The following TACR3 variants were observed in gnomAD, a reference collection of about 807,000 sequenced individuals.
TACR3 encodes the protein neuromedin-K receptor.
Under a neutral mutation model 35.0 loss-of-function variants are expected in TACR3, and 34 were observed. The observed-to-expected ratio is 0.97, with a 90% CI of 0.74 to 1.30. The LOEUF (loss-of-function observed/expected upper bound fraction) is 1.30. Ranked by LOEUF, TACR3 falls within the 50% of genes most tolerant of loss-of-function variation. The pLI, the probability that TACR3 is intolerant of heterozygous loss-of-function variation, is 0.00. For synonymous variants in TACR3, 233 were observed against 221.1 expected, an observed-to-expected ratio of 1.05 and a Z score of -0.48; for missense variants, 558 against 591.7, an observed-to-expected ratio of 0.94 and a Z score of 0.59.
At chr4:103,607,328 C>T (rs1351543593) in intron 3 of TACR3, among the ~76,000 whole-genome samples, 4 of 151,936 alleles carry the variant, frequency 2.6e-5, no homozygotes, top group African/African-American at 4.8e-5. Context: ...TATCTTTTGA[C>T]TTTTGAAGGT....
intron 1 of TACR3, among the ~76,000 whole-genome samples, chr4:103,718,360 A>C (rs987808239): frequency 1.3e-5 from 2 of 152,246 alleles, no homozygotes; most frequent in African/African-American, 4.8e-5. Context: ...CTTCAATAAC[A>C]GGTAGGGATT....
chr4:103,611,618 C>CAATT (rs1207824532), intron 3 of TACR3, among the ~76,000 whole-genome samples: 2 of 151,168 alleles, frequency 1.3e-5, no homozygotes, highest in Admixed American at 6.7e-5. Flanking sequence ...AATTATGTTT[C>CAATT]AATTATAGTT....
rs949178068 is a variant in TACR3, at chr4:103,633,499, C to A, written c.888+22695G>T. On this transcript the variant is annotated intron_variant, in intron 3 of 4. Transcript: ENST00000304883. Reference sequence around the variant, plus strand: ...TTCTTTAGTGGAGATTTGTGAGACCCTGGTGCACCCATCACCCAAGCAGTA... The same window carrying A: ...TTCTTTAGTGGAGATTTGTGAGACCATGGTGCACCCATCACCCAAGCAGTA... Among the ~76,000 whole-genome samples, 29 of 151,920 alleles carry A rather than the reference C, an allele frequency of 1.9e-4. 1 individual carries two copies. Among genetic ancestry groups the A allele is most frequent in the African/African-American group, 7.3e-5 (3 of 41,370 alleles).
chr4:103,689,240 G>T (rs1722340159), intron 1 of TACR3, among the ~76,000 whole-genome samples: 1 of 137,768 alleles, frequency 7.3e-6, no homozygotes, highest in Non-Finnish European at 1.5e-5. Context: ...TCACACTCTG[G>T]GGACTGTTGT....
intron 1 of TACR3, among the ~76,000 whole-genome samples, chr4:103,685,926 C>T (rs992779618): frequency 6.6e-6 from 1 of 152,090 alleles, no homozygotes; most frequent in African/African-American, 2.4e-5. Context: ...AGCTCTGCTG[C>T]CGTATTGGAG....
intron 3 of TACR3, among the ~76,000 whole-genome samples, chr4:103,628,933 T>A (rs1211236859): frequency 2.0e-5 from 3 of 152,274 alleles, no homozygotes; most frequent in Non-Finnish European, 2.9e-5. Context: ...TCAAAAAGCT[T>A]AACCACCACA....
intron 3 of TACR3, among the ~76,000 whole-genome samples, chr4:103,644,133 A>T (rs1020301848): frequency 6.6e-6 from 1 of 151,878 alleles, no homozygotes; most frequent in Non-Finnish European, 1.5e-5. Flanking sequence ...AGCAGGAGGA[A>T]TATTTAATCA....
At chr4:103,599,197 T>C (rs953855406) in intron 3 of TACR3, among the ~76,000 whole-genome samples, 2 of 152,188 alleles carry the variant, frequency 1.3e-5, no homozygotes, top group African/African-American at 4.8e-5. Flanking sequence ...TTCCTAGGTA[T>C]TTTATTTTCT....
chr4:103,619,731 A>C (rs78365558), intron 3 of TACR3, among the ~76,000 whole-genome samples: 1,998 of 152,224 alleles, frequency 0.013, 40 homozygotes, highest in African/African-American at 0.045. Context: ...ATCATGAAGA[A>C]ATTTTGGATT....
intron 1 of TACR3, among the ~76,000 whole-genome samples, chr4:103,694,781 A>G (rs1722486078): frequency 1.3e-5 from 2 of 152,206 alleles, no homozygotes; most frequent in Admixed American, 1.3e-4. Context: ...TATAAATATC[A>G]TAAAAATTAG....
rs137981640 is a variant in TACR3 at position 103,651,397 on chromosome 4, A to G, written c.888+4797T>C. ...CCACAGGCCTACAGGGAGTACTGCCAGACTACCACCTATGTTCACTTAAGG... is the reference window on the plus strand; with the variant it reads ...CCACAGGCCTACAGGGAGTACTGCCGGACTACCACCTATGTTCACTTAAGG... On this transcript the variant is annotated intron_variant, in intron 3 of 4. Transcript: ENST00000304883. Among the ~76,000 whole-genome samples, 143 of 151,950 alleles carry G rather than the reference A, an allele frequency of 9.4e-4. 1 individual carries two copies. Among genetic ancestry groups the G allele is most frequent in the Middle Eastern group, 3.4e-3 (1 of 292 alleles).
intron 3 of TACR3, among the ~76,000 whole-genome samples, chr4:103,594,556 T>C (rs1439761759): frequency 6.6e-6 from 1 of 152,198 alleles, no homozygotes; most frequent in Non-Finnish European, 1.5e-5. Context: ...AAAATATCTT[T>C]GAGAATGTTA....
chr4:103,688,979 G>A (rs1462913078), intron 1 of TACR3, among the ~76,000 whole-genome samples: 4 of 152,024 alleles, frequency 2.6e-5, no homozygotes, highest in Non-Finnish European at 4.4e-5. Flanking sequence ...ATTCACAATA[G>A]CAAAGACTTG....
chr4:103,670,863 G>C (rs914171573), intron 1 of TACR3, among the ~76,000 whole-genome samples: 1 of 151,982 alleles, frequency 6.6e-6, no homozygotes, highest in South Asian at 2.1e-4. Context: ...GAATAAAAAT[G>C]GTGAAAATGG....
At chr4:103,615,734 T>A (rs1724642300) in intron 3 of TACR3, among the ~76,000 whole-genome samples, 1 of 152,188 alleles carries the variant, frequency 6.6e-6, no homozygotes. Context: ...AGACAATATA[T>A]GTTCTTAAAC....
At chr4:103,681,144 T>C (rs1722077805) in intron 1 of TACR3, among the ~76,000 whole-genome samples, 1 of 152,014 alleles carries the variant, frequency 6.6e-6, no homozygotes, top group African/African-American at 2.4e-5. Context: ...TAAAAAAATA[T>C]TTACCAAATT....
chr4:103,688,028 C>T lies in TACR3; in HGVS notation c.549-29625G>A, dbSNP rs549800074. Among the ~76,000 whole-genome samples, 1,287 of 152,002 alleles carry T rather than the reference C, an allele frequency of 8.5e-3. 22 individuals are homozygous for T. The highest frequency in any genetic ancestry group is 0.028 in the African/African-American group (1,181 of 41,464). ...CAAGGCTACAGTAACCAAAACAGCA[C>T]GGTACTGGTACCAAAACAGAGATAT... On this transcript the variant is annotated intron_variant, in intron 1 of 4. Transcript: ENST00000304883.
chr4:103,636,685 C>T (rs185502348), intron 3 of TACR3, among the ~76,000 whole-genome samples: 425 of 151,644 alleles, frequency 2.8e-3, no homozygotes, highest in African/African-American at 9.7e-3. Flanking sequence ...ATTGATAGAC[C>T]GCTAGCAAGA....
intron 1 of TACR3, among the ~76,000 whole-genome samples, chr4:103,697,169 C>T (rs74796518): frequency 0.038 from 5,735 of 152,214 alleles, 125 homozygotes; most frequent in Non-Finnish European, 0.05. Flanking sequence ...TGTGCATGAA[C>T]TGAATGAACA....
Sources: allele counts gnomAD v4.1 joint callset (sites outside exome capture counted in the v4.1 genomes callset), GRCh38; gene constraint gnomAD v4.1.1; transcripts MANE v1.5; gene names NCBI Gene and HGNC (gene_info 2026-07-23, HGNC 2026-07-21).